The following OTUD7A variants were observed in gnomAD, a reference collection of about 807,000 sequenced individuals.
OTUD7A encodes the protein OTU domain-containing protein 7A.
Under a neutral mutation model 65.7 loss-of-function variants are expected in OTUD7A, and 12 were observed. That is an observed-to-expected ratio of 0.18 (90% confidence interval 0.12 to 0.30). The LOEUF is 0.30. OTUD7A is among the 10% of genes least tolerant of loss of function. The pLI is 1.00. For synonymous variants in OTUD7A, 641 were observed against 586.3 expected (o/e 1.09, Z -1.35); for missense variants, 1,148 against 1,304.8 (o/e 0.88, Z 1.85).
At chr15:31,696,053 G>A (rs1300267626) in intron 1 of OTUD7A, among the ~76,000 whole-genome samples, 2 of 152,272 alleles carry the variant, frequency 1.3e-5, no homozygotes, top group Non-Finnish European at 2.9e-5. Flanking sequence ...CGGGTTGGGG[G>A]TGGGTGGCCT....
Position 31,501,839 on chromosome 15 carries a change from G to A in OTUD7A, c.1022C>T (p.Ala341Val), listed in dbSNP as rs2041471190. 6.2e-7 allele frequency: 1 copy of A among 1,608,316 alleles called. No individual in the cohort carries two copies. The highest frequency in any genetic ancestry group is 8.5e-7 in the Non-Finnish European group (1 of 1,176,736). Residue 341 changes from alanine (A) to valine (V), a missense_variant and splice_region_variant, in exon 10 of 13, where the codon GCG (alanine) becomes GTG (valine). Around this residue, in one of 6 missense-constraint regions of OTUD7A, gnomAD observed 58 missense variants for 131.4 expected, o/e 0.44. Transcript: ENST00000307050. ...CCCTCCGAATGGGATGGGTGCGAAC[G>A]CTGTGGACACAAACCAGGGTGAGGG... ...DTMLRDSGGE[A>V]FAPIPFGGIY...
At chr15:31,550,974 T>A (rs117077809) in intron 5 of OTUD7A, among the ~76,000 whole-genome samples, 189 of 152,288 alleles carry the variant, frequency 1.2e-3, no homozygotes, top group South Asian at 2.1e-3. Flanking sequence ...CAGATAACAG[T>A]GTGGCCCAGG....
In OTUD7A at chr15:31,766,019, G is replaced by A. The variant is rs56013610; in HGVS notation, c.-100+104488C>T. ...ACTCCTGAGCACTAATCTGCTTACC[G>A]TATGAGTAAGTTGGCAAAGGAGCAA... On this transcript the variant is annotated intron_variant, in intron 1 of 12. Transcript: ENST00000307050. 5,372 of 1,553,908 alleles carry A rather than the reference G, an allele frequency of 3.5e-3. 164 individuals are homozygous for A. In the African/African-American group the frequency reaches 0.065, roughly 19 times the overall value.
chr15:31,775,358 A>G (rs1895348604), intron 1 of OTUD7A, among the ~76,000 whole-genome samples: 1 of 152,250 alleles, frequency 6.6e-6, no homozygotes, highest in Non-Finnish European at 1.5e-5. Context: ...GGTGCTCAGC[A>G]CACATCAGTG....
chr15:31,822,852 C>A (rs765650841), intron 1 of OTUD7A, among the ~76,000 whole-genome samples: 3 of 152,118 alleles, frequency 2.0e-5, no homozygotes, highest in Non-Finnish European at 2.9e-5. Flanking sequence ...GGGAAGGCTG[C>A]GTACCCTAAC....
At chr15:31,610,617 A>ATATTTTTTTTTTTTTTTTTTTTT in intron 3 of OTUD7A, among the ~76,000 whole-genome samples, 1 of 30,562 alleles carries the variant, frequency 3.3e-5, no homozygotes, top group Non-Finnish European at 4.9e-5. Flanking sequence ...ATATATATAT[A>ATATTTTTTTTTTTTTTTTTTTTT]TTTTTTTTTT....
intron 1 of OTUD7A, among the ~76,000 whole-genome samples, chr15:31,790,763 C>T (rs1247257522): frequency 6.6e-6 from 1 of 152,178 alleles, no homozygotes; most frequent in Non-Finnish European, 1.5e-5. Context: ...GCCCTCAATC[C>T]ATGAATGACA....
In OTUD7A at chr15:31,584,784, C is replaced by T. The variant is rs530913567; in HGVS notation, c.152-14587G>A. Among the ~76,000 whole-genome samples, 15 of 152,260 alleles carry T rather than the reference C, an allele frequency of 9.9e-5. No individual in the cohort carries two copies. In the East Asian group the frequency reaches 1.5e-3, roughly 16 times the overall value. ...ATGCAGTGGAAAAGGGTCACAGACA[C>T]GTCAGCTGGAGTCTGCAAGGTGCAG... On this transcript the variant is annotated intron_variant, in intron 3 of 12. Transcript: ENST00000307050.
chr15:31,870,105 G>A (rs1897986774), intron 1 of OTUD7A, among the ~76,000 whole-genome samples: 1 of 150,020 alleles, frequency 6.7e-6, no homozygotes, highest in South Asian at 2.1e-4. Flanking sequence ...CGGGACCCCC[G>A]ACGCGCGCGC....
intron 1 of OTUD7A, among the ~76,000 whole-genome samples, chr15:31,849,270 T>C (rs1897362846): frequency 6.6e-6 from 1 of 152,220 alleles, no homozygotes; most frequent in South Asian, 2.1e-4. Context: ...CCATCTGATC[T>C]TTGACAAACC....
In OTUD7A at chr15:31,753,706, A is replaced by ATATATATATATATTATATATATATATAT. The variant is rs1555413879; in HGVS notation, c.-99-96630_-99-96629insATATATATATATATAATATATATATATA. ...TGTGAGATATATATATATATATTAT[A>ATATATATATATATTATATATATATATAT]TATATATATATATATTATATATATA... On this transcript the variant is annotated intron_variant, in intron 1 of 12. Coordinates refer to ENST00000307050, the MANE Select transcript of OTUD7A (RefSeq NM_001382637.1). Among the ~76,000 whole-genome samples the ATATATATATATATTATATATATATATAT allele has an allele frequency of 5.7e-5, 4 of 70,766 alleles. No homozygotes were observed. The East Asian group carries it at 1.2e-3, about 21-fold the overall frequency. 46.4% of individuals were successfully genotyped at this position (70,766 alleles called of 152,430 possible).
At chr15:31,525,488 C>T (rs1291135856) in intron 8 of OTUD7A, among the ~76,000 whole-genome samples, 2 of 152,228 alleles carry the variant, frequency 1.3e-5, no homozygotes, top group African/African-American at 4.8e-5. Context: ...GAGAGCTGGC[C>T]CATGAGGCAC....
chr15:31,608,045 GA>G (rs1286998126), intron 3 of OTUD7A, among the ~76,000 whole-genome samples: 2 of 152,094 alleles, frequency 1.3e-5, no homozygotes, highest in Non-Finnish European at 2.9e-5. Flanking sequence ...TCAGGAGATC[GA>G]GACCATCCTG....
At chr15:31,803,782 A>G (rs1331299538) in intron 1 of OTUD7A, among the ~76,000 whole-genome samples, 1 of 152,206 alleles carries the variant, frequency 6.6e-6, no homozygotes, top group Admixed American at 6.5e-5. Context: ...TGACCTCCAG[A>G]GCAAACAAAC....
At chr15:31,865,208 A>C (rs559674122) in intron 1 of OTUD7A, among the ~76,000 whole-genome samples, 2 of 152,368 alleles carry the variant, frequency 1.3e-5, no homozygotes, top group African/African-American at 4.8e-5. Context: ...TTAACTATGT[A>C]CCTCTTGGAT....
intron 1 of OTUD7A, among the ~76,000 whole-genome samples, chr15:31,747,793 C>G (rs1270478270): frequency 1.3e-5 from 2 of 152,112 alleles, no homozygotes; most frequent in Non-Finnish European, 2.9e-5. Flanking sequence ...CTACCTTAAC[C>G]AAGTGACCAA....
At position 31,640,209 on chromosome 15, in the gene OTUD7A, T is replaced by C. The variant is rs550284666; in HGVS notation, c.151+14887A>G. ...ACCAAACATCGTATGTTCTGACTTA[T>C]AAGTGGCAGCTAAGCTATGAGGATG... On this transcript the variant is annotated intron_variant, in intron 3 of 12. Transcript: ENST00000307050. Among the ~76,000 whole-genome samples, 30 of 152,196 alleles carry C rather than the reference T, an allele frequency of 2.0e-4. No homozygotes were observed. In the South Asian group the frequency reaches 5.4e-3, roughly 27 times the overall value.
intron 1 of OTUD7A, among the ~76,000 whole-genome samples, chr15:31,708,137 C>T (rs1893350006): frequency 6.6e-6 from 1 of 151,510 alleles, no homozygotes; most frequent in African/African-American, 2.4e-5. Flanking sequence ...CCACCTGCCC[C>T]GCACAAGCAG....
chr15:31,530,833 C>T (rs375826129), intron 5 of OTUD7A, 25 bp from the exon 6 acceptor site: 1 of 1,601,400 alleles, frequency 6.2e-7, no homozygotes, highest in Non-Finnish European at 8.5e-7. Flanking sequence ...CACTTTAGAA[C>T]AGGATCCCAG....
Sources: allele counts gnomAD v4.1 joint callset (sites outside exome capture counted in the v4.1 genomes callset), GRCh38; gene constraint gnomAD v4.1.1; regional missense constraint gnomAD v4.1.1; transcripts MANE v1.5; gene names NCBI Gene and HGNC (gene_info 2026-07-23, HGNC 2026-07-21).